Variants in WWOX observed in about 807,000 individuals in gnomAD.
WWOX encodes the protein WW domain containing oxidoreductase.
Under a neutral mutation model 46.2 loss-of-function variants are expected in WWOX, and 69 were observed. The observed-to-expected ratio is 1.49, with a 90% CI of 1.23 to 1.82. WWOX has a LOEUF of 1.82. Ranked by LOEUF, WWOX falls within the 40% of genes most tolerant of loss-of-function variation. WWOX has a pLI of 0.00. For missense variants in WWOX, 919 were observed against 542.6 expected, an observed-to-expected ratio of 1.69 and a Z score of -6.89; for synonymous variants, 359 against 202.6, an observed-to-expected ratio of 1.77 and a Z score of -6.56.
At chr16:78,691,591 C>G (rs991602530) in intron 8 of WWOX, among the ~76,000 whole-genome samples, 57 of 151,970 alleles carry the variant, frequency 3.8e-4, no homozygotes, top group African/African-American at 1.4e-3. Flanking sequence ...ACCTGAAGTC[C>G]CAGCTAACTG....
At chr16:78,365,356 G>C (rs556316563) in intron 5 of WWOX, among the ~76,000 whole-genome samples, 18 of 152,144 alleles carry the variant, frequency 1.2e-4, no homozygotes, top group Admixed American at 1.1e-3. Flanking sequence ...TTACTTGCTG[G>C]ATAGTGGGTT....
At chr16:79,158,488 A>G (rs1035514642) in intron 8 of WWOX, among the ~76,000 whole-genome samples, 2 of 138,922 alleles carry the variant, frequency 1.4e-5, no homozygotes, top group Non-Finnish European at 3.0e-5. Context: ...GCTTCCCACC[A>G]CACTTACAAA....
At chr16:79,142,443 G>A (rs2050108089) in intron 8 of WWOX, among the ~76,000 whole-genome samples, 1 of 152,144 alleles carries the variant, frequency 6.6e-6, no homozygotes, top group African/African-American at 2.4e-5. Flanking sequence ...TTTCACCACG[G>A]AAATTGGCAC....
chr16:78,314,548 G>A (rs2080316282), intron 5 of WWOX, among the ~76,000 whole-genome samples: 1 of 146,622 alleles, frequency 6.8e-6, no homozygotes, highest in African/African-American at 2.5e-5. Context: ...TTTTGAGTCG[G>A]AGTTTTGCTC....
At chr16:78,880,063 T>C (rs1205191114) in intron 8 of WWOX, among the ~76,000 whole-genome samples, 1 of 152,214 alleles carries the variant, frequency 6.6e-6, no homozygotes, top group Non-Finnish European at 1.5e-5. Context: ...AGAGACATGA[T>C]ACGAGTTGAT....
chr16:78,115,264 T>G (rs921145066), intron 4 of WWOX, 110 bp downstream of exon 4: 29 of 1,312,812 alleles, frequency 2.2e-5, no homozygotes, highest in Middle Eastern at 3.7e-4. Context: ...ACATGACTTT[T>G]ATCCTTTTCA....
intron 5 of WWOX, among the ~76,000 whole-genome samples, chr16:78,343,472 T>G (rs148722971): frequency 8.3e-6 from 1 of 120,684 alleles, no homozygotes; most frequent in African/African-American, 2.8e-5. Flanking sequence ...ATCCCTTGTT[T>G]TCAGATTCCT....
chr16:79,121,733 G>C (rs909011367), intron 8 of WWOX, among the ~76,000 whole-genome samples: 1 of 152,178 alleles, frequency 6.6e-6, no homozygotes, highest in Non-Finnish European at 1.5e-5. Context: ...CAATTGCTGG[G>C]AGTCTGAGAT....
chr16:78,579,642 G>T (rs1448909420), intron 8 of WWOX, among the ~76,000 whole-genome samples: 2 of 152,188 alleles, frequency 1.3e-5, no homozygotes, highest in African/African-American at 4.8e-5. Flanking sequence ...GAAAGTTGAG[G>T]AAATGTAAGA....
intron 3 of WWOX, among the ~76,000 whole-genome samples, chr16:78,113,221 CA>C (rs955317128): frequency 3.9e-5 from 6 of 152,160 alleles, no homozygotes; most frequent in Non-Finnish European, 7.3e-5. Context: ...ACTGAATCAG[CA>C]CTGGGGTGGG....
At chr16:78,322,962 C>A (rs182544732) in intron 5 of WWOX, among the ~76,000 whole-genome samples, 1 of 152,168 alleles carries the variant, frequency 6.6e-6, no homozygotes, top group Non-Finnish European at 1.5e-5. Context: ...TTTACAAGCC[C>A]TACAAACACT....
chr16:79,146,637 C>G (rs2050187492), intron 8 of WWOX, among the ~76,000 whole-genome samples: 1 of 152,122 alleles, frequency 6.6e-6, no homozygotes, highest in Non-Finnish European at 1.5e-5. Context: ...GAGAATGCAG[C>G]CAGTACCCTG....
chr16:78,873,815 C>A (rs753233125), intron 8 of WWOX, among the ~76,000 whole-genome samples: 5 of 151,856 alleles, frequency 3.3e-5, no homozygotes, highest in Non-Finnish European at 5.9e-5. Context: ...TAAAATAAAA[C>A]GAGATATTTG....
chr16:78,338,315 C>G lies in WWOX; in HGVS notation c.517-48545C>G, dbSNP rs962819029. On this transcript the variant is annotated intron_variant, in intron 5 of 8. Coordinates refer to ENST00000566780, the MANE Select transcript of WWOX (RefSeq NM_016373.4). ...TAGACACCAACACCCTCATGGATTC[C>G]CAGCTGCTGAGAGTTTGAATAGTAT... Among the ~76,000 whole-genome samples, 25 of 121,340 alleles carry G rather than the reference C, an allele frequency of 2.1e-4. 7 individuals carry two copies. Among genetic ancestry groups the G allele is most frequent in the Admixed American group, 1.9e-3 (24 of 12,458 alleles). The allele number at this position is 121,340 out of a possible 152,430, so 79.6% of individuals were successfully genotyped here.
chr16:79,111,690 G>T (rs1022759520), intron 8 of WWOX, among the ~76,000 whole-genome samples: 1 of 152,166 alleles, frequency 6.6e-6, no homozygotes, highest in Non-Finnish European at 1.5e-5. Context: ...CATGGGTAAT[G>T]TCTAGGCAAA....
rs549476036 is a variant in WWOX at position 78,649,405 on chromosome 16, A to T, written c.1056+216653A>T. 2.7e-4 allele frequency among the ~76,000 whole-genome samples: 41 copies of T among 151,958 alleles called. No individual in the cohort carries two copies. In the South Asian group the frequency reaches 8.5e-3, roughly 32 times the overall value. ...CTCAAGCGATCTTCCCACCTCTGCC[A>T]CTTGAATAGGTGGGACTACAGGTGG... On this transcript the variant is annotated intron_variant, in intron 8 of 8. Transcript: ENST00000566780.
chr16:79,175,774 T>C (rs1158462507), intron 8 of WWOX, among the ~76,000 whole-genome samples: 2 of 152,200 alleles, frequency 1.3e-5, no homozygotes. Context: ...CACATTCCCA[T>C]GGGAGCTCCA....
At chr16:79,107,396 C>CT (rs1391988159) in intron 8 of WWOX, among the ~76,000 whole-genome samples, 1 of 152,164 alleles carries the variant, frequency 6.6e-6, no homozygotes. Context: ...CCCAAAATGA[C>CT]TTTTTATTTG....
chr16:79,015,635 C>G (rs1308351806), intron 8 of WWOX, among the ~76,000 whole-genome samples: 1 of 152,194 alleles, frequency 6.6e-6, no homozygotes, highest in Non-Finnish European at 1.5e-5. Flanking sequence ...AAGCACACCA[C>G]TGTGGGATTA....
Sources: allele counts gnomAD v4.1 joint callset (sites outside exome capture counted in the v4.1 genomes callset), GRCh38; gene constraint gnomAD v4.1.1; transcripts MANE v1.5; gene names NCBI Gene and HGNC (gene_info 2026-07-23, HGNC 2026-07-21).